PFKFB4: variants seen among roughly 807,000 people sequenced by gnomAD.
PFKFB4 encodes the protein 6-phosphofructo-2-kinase/fructose-2,6-biphosphatase 4, also known as 6-phosphofructo-2-kinase/fructose-2,6-bisphosphatase 4.
PFKFB4 carries 42 observed loss-of-function variants against 62.8 expected under a neutral mutation model. The ratio of observed to expected loss-of-function variants is 0.67; its 90% CI spans 0.52 to 0.86. The LOEUF is 0.86. Among genes scored for constraint, PFKFB4 ranks in the 40% least tolerant of loss-of-function variants. The pLI is 0.00. For synonymous variants in PFKFB4, 204 were observed against 240.7 expected (o/e 0.85, Z 1.41); for missense variants, 475 against 627.2 (o/e 0.76, Z 2.59).
rs2043315201 is a variant in PFKFB4, at chr3:48,556,334, T to C, written c.97+347A>G. The C allele has an allele frequency of 5.7e-6, 3 of 522,070 alleles. No homozygotes were observed. The highest frequency in any genetic ancestry group is 1.1e-5 in the Non-Finnish European group (3 of 273,340). The allele number at this position is 522,070 out of a possible 1,614,324, so 32.3% of individuals were successfully genotyped here. A position where few individuals can be genotyped will look rare whatever the true frequency, so the allele number is the denominator to read the frequency against. ...CTTGGCCAGGAGAGAGGGAAGGGCC[T>C]GGGGTGCCCACAGGGTCCTCCCCAG... is the stretch of plus-strand genomic sequence containing the variant. On this transcript the variant is annotated intron_variant, in intron 1 of 13. Transcript: ENST00000232375. The surrounding 1 kb of genome is among the most constrained non-coding windows in gnomAD (Gnocchi z 5.7).
At chr3:48,545,569 C>T (rs1371141179) in intron 3 of PFKFB4, among the ~76,000 whole-genome samples, 1 of 152,136 alleles carries the variant, frequency 6.6e-6, no homozygotes, top group East Asian at 1.9e-4. Context: ...AGTGGTAGAG[C>T]TGAGTCCAGG....
chr3:48,535,128 G>A (rs1560161688), intron 9 of PFKFB4, among the ~76,000 whole-genome samples: 1 of 152,176 alleles, frequency 6.6e-6, no homozygotes, highest in Non-Finnish European at 1.5e-5. Flanking sequence ...TCTTTAAAGA[G>A]ACAAAGGCCG....
intron 3 of PFKFB4, among the ~76,000 whole-genome samples, chr3:48,545,749 G>C (rs2042941998): frequency 6.6e-6 from 1 of 151,918 alleles, no homozygotes; most frequent in Non-Finnish European, 1.5e-5. Flanking sequence ...TTACACATGT[G>C]AGCTACTATG....
At chr3:48,544,637 G>C (rs2042907478) in intron 3 of PFKFB4, among the ~76,000 whole-genome samples, 1 of 151,854 alleles carries the variant, frequency 6.6e-6, no homozygotes, top group Non-Finnish European at 1.5e-5. Flanking sequence ...TTTAGAGATG[G>C]GGTCTTGCTA....
intron 8 of PFKFB4, 138 bp downstream of exon 8, chr3:48,536,118 G>A: frequency 1.4e-6 from 1 of 710,204 alleles, no homozygotes. Flanking sequence ...AAGATTCTAG[G>A]TTGAATGAAG....
upstream of PFKFB4, chr3:48,562,948 C>G (rs751664694): frequency 2.5e-6 from 4 of 1,605,184 alleles, no homozygotes; most frequent in South Asian, 4.5e-5. This position sits in a 1 kb window ranked among gnomAD's most constrained non-coding sequence, Gnocchi z 4.3. Flanking sequence ...TGCAGTGGCT[C>G]TGGGCAGCCC....
Position 48,556,631 on chromosome 3 carries a change from C to A in PFKFB4, c.97+50G>T. ...GAGACCCCCGCCCAGGCCGCCCTAC[C>A]CACCCATCCCGGTGCACCTCCCACC... On this transcript the variant is annotated intron_variant, in intron 1 of 13. Transcript: ENST00000232375. The surrounding 1 kb of genome is among the most constrained non-coding windows in gnomAD (Gnocchi z 5.7). 1 of 1,562,226 alleles carries A rather than the reference C, an allele frequency of 6.4e-7. No homozygotes were observed. The highest frequency in any genetic ancestry group is 1.1e-5 in the South Asian group (1 of 87,304).
In PFKFB4 at chr3:48,556,564, C is replaced by G. The variant is rs2107611083; in HGVS notation, c.97+117G>C. ...GCCTCCCCAGTCACGGCAACCTCAC[C>G]TGTCCCCGGTTCCCCATCTGTCTCC... On this transcript the variant is annotated intron_variant, in intron 1 of 13. Transcript: ENST00000232375. The surrounding 1 kb of genome is among the most constrained non-coding windows in gnomAD (Gnocchi z 5.7). 2.4e-6 allele frequency: 3 copies of G among 1,248,370 alleles called. No individual in the cohort carries two copies. The South Asian group carries it at 4.4e-5, about 18-fold the overall frequency. The allele number at this position is 1,248,370 out of a possible 1,614,324, so 77.3% of individuals were successfully genotyped here.
intron 9 of PFKFB4, among the ~76,000 whole-genome samples, chr3:48,529,571 CA>C (rs1214256548): frequency 3.3e-5 from 5 of 152,144 alleles, no homozygotes; most frequent in Admixed American, 3.3e-4. Flanking sequence ...TAACCTGCCT[CA>C]GGTAGCTGCT....
In PFKFB4 at chr3:48,536,131, C is replaced by T. The variant is rs1277173000; in HGVS notation, c.840+125G>A. The T allele has an allele frequency of 5.2e-6, 4 of 772,450 alleles. No individual in the cohort carries two copies. The East Asian group carries it at 1.0e-4, about 20-fold the overall frequency. 47.8% of individuals were successfully genotyped at this position (772,450 alleles called of 1,614,324 possible). ...GGAAGATTCTAGGTTGAATGAAGGT[C>T]ATTCACCTCGACTGCACATTAAAAG... On this transcript the variant is annotated intron_variant, in intron 8 of 13. Transcript: ENST00000232375.
At chr3:48,561,112 C>G, upstream of PFKFB4, 1 of 1,283,896 alleles carries the variant, frequency 7.8e-7, no homozygotes, top group South Asian at 1.3e-5. This position sits in a 1 kb window ranked among gnomAD's most constrained non-coding sequence, Gnocchi z 5.2. Flanking sequence ...GAGCCTCTGT[C>G]CATCCTGCAA....
intron 3 of PFKFB4, among the ~76,000 whole-genome samples, chr3:48,544,145 G>C (rs2042887766): frequency 6.6e-6 from 1 of 151,880 alleles, no homozygotes; most frequent in Non-Finnish European, 1.5e-5. Context: ...CTGAGTAGCT[G>C]GGATTACAGG....
chr3:48,561,651 T>C (rs990274694), upstream of PFKFB4: 1 of 152,230 alleles, frequency 6.6e-6, no homozygotes. The surrounding 1 kb of genome is among the most constrained non-coding windows in gnomAD (Gnocchi z 5.2). Context: ...CTTCAGTCGC[T>C]TTGTGTTTAT....
chr3:48,561,294 C>A, upstream of PFKFB4: 1 of 279,944 alleles, frequency 3.6e-6, no homozygotes, highest in South Asian at 2.7e-5. This position sits in a 1 kb window ranked among gnomAD's most constrained non-coding sequence, Gnocchi z 5.2. Flanking sequence ...CCAGTGCCCC[C>A]ACTCCAGTCA....
intron 4 of PFKFB4, among the ~76,000 whole-genome samples, chr3:48,540,069 C>T (rs921691731): frequency 2.6e-5 from 4 of 152,266 alleles, no homozygotes; most frequent in Non-Finnish European, 5.9e-5. Flanking sequence ...TGCTGCTCTG[C>T]ACACAGTGGG....
intron 7 of PFKFB4, among the ~76,000 whole-genome samples, chr3:48,537,473 C>T (rs149896237): frequency 1.1e-3 from 173 of 150,834 alleles, no homozygotes; most frequent in Non-Finnish European, 1.8e-3. Flanking sequence ...ACCCCAAAAG[C>T]ATTCATCTCA....
rs767015937 is a variant in PFKFB4, at chr3:48,536,405, C to T, written c.691G>A (p.Ala231Thr). The T allele has an allele frequency of 1.9e-6, 3 of 1,614,208 alleles. No homozygotes were observed. In the South Asian group the frequency reaches 3.3e-5, roughly 18 times the overall value. Residue 231 changes from alanine to threonine, a missense_variant, in exon 8 of 14, where the codon GCT becomes ACT. Physicochemically the swap from Ala to Thr is moderately conservative, Grantham distance 58. Coordinates refer to ENST00000232375, the MANE Select transcript of PFKFB4 (RefSeq NM_004567.4). The stretch of plus-strand genomic sequence containing the variant: ...ACGATGCGGCTCTGGATGTGGTCAG[C>T]CACACGGTTCACCACGTAGCTCTGG... ...VGQSYVVNRV[A>T]DHIQSRIVYY...
intron 10 of PFKFB4, among the ~76,000 whole-genome samples, chr3:48,524,309 CT>C (rs1467258582): frequency 2.6e-5 from 4 of 152,218 alleles, no homozygotes; most frequent in Non-Finnish European, 4.4e-5. Context: ...TATCTTCCCC[CT>C]ATGCCTGCCG....
chr3:48,541,918 T>C (rs1053846751), intron 4 of PFKFB4, among the ~76,000 whole-genome samples: 1 of 151,996 alleles, frequency 6.6e-6, no homozygotes, highest in Non-Finnish European at 1.5e-5. Context: ...GAGCTATGAT[T>C]GAGACACTAC....
Sources: gnomAD v4.1 joint callset for allele counts (sites outside exome capture counted in the v4.1 genomes callset) on GRCh38, gnomAD v4.1.1 for gene constraint, Gnocchi (gnomAD v3.1) non-coding constraint, MANE v1.5 for transcripts, NCBI Gene and HGNC (gene_info 2026-07-23, HGNC 2026-07-21) for gene names.